Variants in PACRG observed in about 807,000 individuals in gnomAD.
The protein encoded by PACRG is parkin coregulated gene protein.
In PACRG, 29 loss-of-function variants were observed where a neutral mutation model predicts 29.7. That is an observed-to-expected ratio of 0.98 (90% CI 0.73 to 1.33). The LOEUF (loss-of-function observed/expected upper bound fraction) is 1.33. Ranked by LOEUF, PACRG falls within the 40% of genes most tolerant of loss-of-function variation. The pLI is 0.00. For synonymous variants in PACRG, 116 were observed against 118.7 expected, an observed-to-expected ratio of 0.98 and a Z score of 0.15; for missense variants, 279 against 316.2, an observed-to-expected ratio of 0.88 and a Z score of 0.89.
chr6:162,817,800 T>C (rs915220329), intron 2 of PACRG, among the ~76,000 whole-genome samples: 1 of 152,204 alleles, frequency 6.6e-6, no homozygotes, highest in African/African-American at 2.4e-5. Flanking sequence ...TGTGTTAGAA[T>C]TTTTATTATT....
chr6:163,096,766 A>G (rs1282457916), intron 4 of PACRG, among the ~76,000 whole-genome samples: 1 of 152,228 alleles, frequency 6.6e-6, no homozygotes, highest in African/African-American at 2.4e-5. Context: ...CCTGCAGCAC[A>G]GGGTTTATGG....
chr6:163,240,931 T>A (rs1040839454), intron 4 of PACRG, among the ~76,000 whole-genome samples: 1 of 152,210 alleles, frequency 6.6e-6, no homozygotes, highest in Non-Finnish European at 1.5e-5. Flanking sequence ...GCACTCATGT[T>A]CCAGAAAGAC....
chr6:163,111,324 C>A (rs1345139620), intron 4 of PACRG, among the ~76,000 whole-genome samples: 1 of 152,148 alleles, frequency 6.6e-6, no homozygotes, highest in African/African-American at 2.4e-5. Flanking sequence ...GATTTCCATA[C>A]CAGAGGGTGG....
At chr6:162,852,664 G>A (rs1362002993) in intron 2 of PACRG, among the ~76,000 whole-genome samples, 1 of 152,148 alleles carries the variant, frequency 6.6e-6, no homozygotes, top group East Asian at 1.9e-4. Context: ...TTTATTGTTA[G>A]ATAAAATGAG....
chr6:163,182,506 T>C (rs1028196047), intron 4 of PACRG: 1 of 152,230 alleles, frequency 6.6e-6, no homozygotes, highest in African/African-American at 2.4e-5. Context: ...AGAGTCATGA[T>C]AGATCCAGAA....
At chr6:163,243,144 G>A (rs1043215087) in intron 4 of PACRG, among the ~76,000 whole-genome samples, 3 of 152,208 alleles carry the variant, frequency 2.0e-5, no homozygotes, top group African/African-American at 4.8e-5. Context: ...CATAGGTTAC[G>A]TGATGTATCA....
At chr6:163,231,746 G>C (rs1182783629) in intron 4 of PACRG, among the ~76,000 whole-genome samples, 1 of 152,086 alleles carries the variant, frequency 6.6e-6, no homozygotes, top group Non-Finnish European at 1.5e-5. Flanking sequence ...CCATGAGCTT[G>C]CATAGTTTCA....
intron 1 of PACRG, among the ~76,000 whole-genome samples, chr6:162,771,063 A>G (rs955441044): frequency 1.3e-5 from 2 of 152,154 alleles, no homozygotes; most frequent in African/African-American, 2.4e-5. Context: ...GAAATACATT[A>G]GTATTCTTAA....
intron 1 of PACRG, among the ~76,000 whole-genome samples, chr6:162,809,182 T>C (rs1786618786): frequency 6.6e-6 from 1 of 152,036 alleles, no homozygotes; most frequent in African/African-American, 2.4e-5. Context: ...CTGCATAAAA[T>C]TCAGTGCCAC....
At chr6:163,240,554 C>G (rs1782459353) in intron 4 of PACRG, among the ~76,000 whole-genome samples, 1 of 152,102 alleles carries the variant, frequency 6.6e-6, no homozygotes, top group Non-Finnish European at 1.5e-5. Flanking sequence ...TCCTTGGTCC[C>G]CTCCTCCTCA....
chr6:163,190,201 C>T (rs1780141910), intron 4 of PACRG: 2 of 152,156 alleles, frequency 1.3e-5, no homozygotes, highest in African/African-American at 4.8e-5. Context: ...ATTAGGACCC[C>T]ATTAAGAGCC....
intron 4 of PACRG, among the ~76,000 whole-genome samples, chr6:163,173,618 C>T (rs772507733): frequency 1.1e-4 from 16 of 152,192 alleles, no homozygotes; most frequent in South Asian, 2.1e-4. Context: ...CGCTCTCCCC[C>T]GCAAGTGGCA....
At chr6:163,084,405 T>G (rs995470279) in intron 3 of PACRG, among the ~76,000 whole-genome samples, 2 of 152,226 alleles carry the variant, frequency 1.3e-5, no homozygotes, top group Non-Finnish European at 2.9e-5. Context: ...ATGGTGTATC[T>G]TAATTCTCTG....
chr6:162,975,138 C>G (rs1338016013), intron 2 of PACRG, among the ~76,000 whole-genome samples: 1 of 152,084 alleles, frequency 6.6e-6, no homozygotes, highest in Non-Finnish European at 1.5e-5. Flanking sequence ...CAATGCCTAC[C>G]AAGGTATCCA....
chr6:163,275,463 C>T (rs1783991335), intron 4 of PACRG, among the ~76,000 whole-genome samples: 1 of 152,102 alleles, frequency 6.6e-6, no homozygotes, highest in Non-Finnish European at 1.5e-5. Context: ...TAGTCATTTT[C>T]TCATAAAGGC....
chr6:163,074,196 TA>T (rs35914278), intron 3 of PACRG, among the ~76,000 whole-genome samples: 1 of 151,736 alleles, frequency 6.6e-6, no homozygotes, highest in African/African-American at 2.4e-5. Flanking sequence ...GATGAATGGA[TA>T]AAAAAAATAT....
chr6:162,802,216 C>G (rs928248113), intron 1 of PACRG, among the ~76,000 whole-genome samples: 1 of 152,016 alleles, frequency 6.6e-6, no homozygotes, highest in African/African-American at 2.4e-5. Flanking sequence ...TTTCCCCGCT[C>G]GTACTAAACC....
At chr6:162,928,951 TC>T (rs1428681768) in intron 2 of PACRG, among the ~76,000 whole-genome samples, 1 of 152,092 alleles carries the variant, frequency 6.6e-6, no homozygotes, top group Non-Finnish European at 1.5e-5. Flanking sequence ...CAGGATTTCA[TC>T]CTTTTTTATG....
intron 4 of PACRG, 87 bp from the exon 5 acceptor site, chr6:163,314,740 C>T: frequency 7.1e-7 from 1 of 1,400,718 alleles, no homozygotes; most frequent in Non-Finnish European, 9.6e-7. Context: ...TCCTAATAAG[C>T]ATTCAGAGAA....
Sources: allele counts gnomAD v4.1 joint callset (sites outside exome capture counted in the v4.1 genomes callset), GRCh38; gene constraint gnomAD v4.1.1; transcripts MANE v1.5; gene names NCBI Gene and HGNC (gene_info 2026-07-23, HGNC 2026-07-21).